Variants in AK5 observed in about 807,000 individuals in gnomAD.
AK5 encodes the protein adenylate kinase isoenzyme 5.
A neutral mutation model predicts 69.5 loss-of-function variants in AK5; 27 were observed. The ratio of observed to expected loss-of-function variants is 0.39; its 90% confidence interval spans 0.29 to 0.54. AK5 has a LOEUF of 0.54. Ranked by LOEUF, AK5 falls within the 20% of genes least tolerant of loss-of-function variation. AK5 has a pLI of 0.71. For missense variants in AK5, 531 were observed against 700.4 expected (o/e 0.76, Z 2.73); for synonymous variants, 260 against 244.4 (o/e 1.06, Z -0.60).
At chr1:77,482,717 G>A (rs1273418937) in intron 8 of AK5, among the ~76,000 whole-genome samples, 1 of 151,028 alleles carries the variant, frequency 6.6e-6, no homozygotes, top group South Asian at 2.1e-4. Context: ...GTTGCAGTGA[G>A]CCGAGACTGC....
At chr1:77,433,255 G>GT (rs1474663234) in intron 8 of AK5, among the ~76,000 whole-genome samples, 1 of 104,830 alleles carries the variant, frequency 9.5e-6, no homozygotes, top group Non-Finnish European at 2.0e-5. Context: ...GTGTATTATA[G>GT]TTTTTTTCTT....
At chr1:77,539,203 G>C (rs79882490) in intron 13 of AK5, among the ~76,000 whole-genome samples, 1 of 152,176 alleles carries the variant, frequency 6.6e-6, no homozygotes, top group African/African-American at 2.4e-5. Flanking sequence ...ACGTTGGTTC[G>C]GCCTGTTGGG....
intron 13 of AK5, among the ~76,000 whole-genome samples, chr1:77,556,096 C>T (rs766955972): frequency 1.6e-4 from 25 of 152,066 alleles, no homozygotes; most frequent in Non-Finnish European, 3.5e-4. Context: ...CTTATTTTTT[C>T]CTTATTGTGG....
intron 10 of AK5, among the ~76,000 whole-genome samples, chr1:77,516,779 G>A (rs1657668530): frequency 6.6e-6 from 1 of 152,052 alleles, no homozygotes; most frequent in South Asian, 2.1e-4. Flanking sequence ...GGTAAGAAAT[G>A]GGGAGAGGGG....
chr1:77,307,367 A>G (rs1036867460), intron 5 of AK5, among the ~76,000 whole-genome samples: 15 of 151,310 alleles, frequency 9.9e-5, no homozygotes, highest in Non-Finnish European at 4.4e-5. Context: ...CTGGTCAATC[A>G]AGAAATTATA....
At chr1:77,415,397 G>A (rs1330415749) in intron 7 of AK5, among the ~76,000 whole-genome samples, 1 of 152,152 alleles carries the variant, frequency 6.6e-6, no homozygotes, top group Admixed American at 6.6e-5. Context: ...TCAGATCACA[G>A]TACTCACTCC....
At chr1:77,295,201 G>A (rs186590722) in intron 3 of AK5, among the ~76,000 whole-genome samples, 1,539 of 152,210 alleles carry the variant, frequency 0.01, 6 homozygotes, top group Non-Finnish European at 0.015. Context: ...GTTCTAGCCA[G>A]TTGCATTAAC....
intron 10 of AK5, among the ~76,000 whole-genome samples, chr1:77,502,758 G>A (rs12042881): frequency 0.17 from 25,883 of 152,168 alleles, 2,472 homozygotes; most frequent in Non-Finnish European, 0.18. Flanking sequence ...CCTCCCAGAG[G>A]CCTACAGTTT....
At chr1:77,286,644 C>T (rs1427459489) in intron 1 of AK5, among the ~76,000 whole-genome samples, 1 of 151,810 alleles carries the variant, frequency 6.6e-6, no homozygotes, top group Non-Finnish European at 1.5e-5. Context: ...TTAAGGAGTT[C>T]GAAACCAACC....
At chr1:77,527,135 A>G (rs575014113) in intron 12 of AK5, among the ~76,000 whole-genome samples, 362 of 152,352 alleles carry the variant, frequency 2.4e-3, no homozygotes, top group Non-Finnish European at 3.8e-3. Flanking sequence ...CCTATTTAAA[A>G]GGTTTTGTAA....
At chr1:77,517,694 A>T (rs1315453668) in intron 10 of AK5, among the ~76,000 whole-genome samples, 1 of 152,204 alleles carries the variant, frequency 6.6e-6, no homozygotes, top group African/African-American at 2.4e-5. Context: ...GATAATAGCT[A>T]AGGAAAAAAA....
intron 5 of AK5, among the ~76,000 whole-genome samples, chr1:77,317,001 T>A (rs1014834325): frequency 7.9e-5 from 12 of 152,190 alleles, no homozygotes; most frequent in Admixed American, 7.2e-4. Flanking sequence ...AAAACAACAA[T>A]ATTTATAATT....
chr1:77,395,032 A>C (rs1436514250), intron 6 of AK5, among the ~76,000 whole-genome samples: 1 of 147,594 alleles, frequency 6.8e-6, no homozygotes. Context: ...CCTCTCCCTC[A>C]TTTGTTCCTG....
intron 5 of AK5, among the ~76,000 whole-genome samples, chr1:77,301,505 C>G (rs1429831857): frequency 2.0e-5 from 3 of 152,318 alleles, no homozygotes; most frequent in African/African-American, 7.2e-5. Context: ...AGCATCTTCT[C>G]CCACAGTTTG....
chr1:77,365,719 G>T (rs1274914878), intron 6 of AK5, among the ~76,000 whole-genome samples: 1 of 152,160 alleles, frequency 6.6e-6, no homozygotes, highest in East Asian at 1.9e-4. Flanking sequence ...AGGCAGTAAT[G>T]CTCCCTTGCC....
chr1:77,401,720 G>A (rs775755519), intron 6 of AK5, among the ~76,000 whole-genome samples: 4 of 152,038 alleles, frequency 2.6e-5, no homozygotes, highest in Non-Finnish European at 4.4e-5. Flanking sequence ...ACTCATTTCC[G>A]CCATTAAAAA....
At chr1:77,392,657 A>G (rs558248040) in intron 6 of AK5, among the ~76,000 whole-genome samples, 7 of 152,292 alleles carry the variant, frequency 4.6e-5, no homozygotes, top group African/African-American at 7.2e-5. Flanking sequence ...ACAGAATCCA[A>G]ATCCGCACAT....
intron 10 of AK5, among the ~76,000 whole-genome samples, chr1:77,512,864 G>T (rs1657429648): frequency 6.6e-6 from 1 of 152,160 alleles, no homozygotes; most frequent in South Asian, 2.1e-4. Flanking sequence ...GTCCTTTGTA[G>T]GGATATGGAT....
At chr1:77,356,040 T>C (rs1042424562) in intron 6 of AK5, among the ~76,000 whole-genome samples, 40 of 152,300 alleles carry the variant, frequency 2.6e-4, no homozygotes, top group African/African-American at 9.4e-4. Context: ...AGGTAACACC[T>C]TTCAAGATCT....
Sources: allele counts gnomAD v4.1 joint callset (sites outside exome capture counted in the v4.1 genomes callset), GRCh38; gene constraint gnomAD v4.1.1; transcripts MANE v1.5; gene names NCBI Gene and HGNC (gene_info 2026-07-23, HGNC 2026-07-21).